The following ZCCHC14 variants were observed in gnomAD, a reference collection of about 807,000 sequenced individuals.
ZCCHC14 encodes zinc finger CCHC domain-containing protein 14.
Under a neutral mutation model 85.0 loss-of-function variants are expected in ZCCHC14, and 16 were observed. The observed-to-expected ratio is 0.19, with a 90% CI of 0.13 to 0.29. The LOEUF (loss-of-function observed/expected upper bound fraction) is 0.29, where lower values mean the gene tolerates loss of function less well. Ranked by LOEUF, ZCCHC14 falls within the 10% of genes least tolerant of loss-of-function variation. The pLI is 1.00. For missense variants in ZCCHC14, 1,303 were observed against 1,443.5 expected, an observed-to-expected ratio of 0.90 and a Z score of 1.58; for synonymous variants, 775 against 630.7, an observed-to-expected ratio of 1.23 and a Z score of -3.43.
chr16:87,415,230 G>A (rs372490039), intron 9 of ZCCHC14, 46 bp downstream of exon 9: 35 of 1,586,042 alleles, frequency 2.2e-5, no homozygotes, highest in South Asian at 1.1e-4. Context: ...TTCGGCACAC[G>A]AGAAATGGAA....
chr16:87,474,590 G>C (rs1330030450), intron 1 of ZCCHC14, among the ~76,000 whole-genome samples: 2 of 152,150 alleles, frequency 1.3e-5, no homozygotes, highest in African/African-American at 4.8e-5. Context: ...AGAAACTGGA[G>C]GGAGCCTGTG....
chr16:87,480,924 C>A (rs1912238438), intron 1 of ZCCHC14, among the ~76,000 whole-genome samples: 1 of 152,204 alleles, frequency 6.6e-6, no homozygotes, highest in African/African-American at 2.4e-5. Context: ...AGGAACTGCG[C>A]CTACAGAGAG....
rs560188305 is a variant in ZCCHC14 at position 87,417,745 on chromosome 16, G to A, written c.1101-3C>T. On this transcript the variant is annotated splice_polypyrimidine_tract_variant and splice_region_variant and intron_variant, in intron 7 of 12. Transcript: ENST00000671377. ...TACCAGCCACTCCACACACAGGCCT[G>A]TGGGACAGGGGCAGGAGGGACACAG... The A allele has an allele frequency of 1.3e-6, 2 of 1,582,644 alleles. No homozygotes were observed. Among genetic ancestry groups the A allele is most frequent in the South Asian group, 1.1e-5 (1 of 87,326 alleles).
intron 1 of ZCCHC14, among the ~76,000 whole-genome samples, chr16:87,475,058 A>T (rs1236302168): frequency 1.3e-5 from 2 of 152,200 alleles, no homozygotes; most frequent in African/African-American, 4.8e-5. Context: ...CAATTACTAG[A>T]CATGGAAAGA....
chr16:87,421,828 G>A (rs1485010622), intron 4 of ZCCHC14, among the ~76,000 whole-genome samples: 4 of 152,110 alleles, frequency 2.6e-5, no homozygotes, highest in African/African-American at 9.7e-5. Context: ...AAGGGCCCTG[G>A]CAGAAGAGGT....
intron 2 of ZCCHC14, among the ~76,000 whole-genome samples, chr16:87,439,724 C>A (rs931412372): frequency 2.0e-5 from 3 of 152,170 alleles, no homozygotes; most frequent in Non-Finnish European, 2.9e-5. Flanking sequence ...TAAAAAACCA[C>A]ATACATTTTA....
intron 9 of ZCCHC14, among the ~76,000 whole-genome samples, chr16:87,414,853 G>A (rs575449084): frequency 6.6e-6 from 1 of 152,360 alleles, no homozygotes; most frequent in African/African-American, 2.4e-5. Flanking sequence ...GGCCCAGGCG[G>A]GCAGATCGCC....
intron 3 of ZCCHC14, among the ~76,000 whole-genome samples, chr16:87,429,071 G>C (rs1050072902): frequency 2.6e-5 from 4 of 152,200 alleles, no homozygotes; most frequent in Admixed American, 6.5e-5. Flanking sequence ...TAAATACCTA[G>C]GCTGGAACTT....
chr16:87,461,407 T>A (rs1196292260), intron 1 of ZCCHC14, among the ~76,000 whole-genome samples: 1 of 152,220 alleles, frequency 6.6e-6, no homozygotes, highest in Non-Finnish European at 1.5e-5. Flanking sequence ...ACAGTCTCAA[T>A]GTATTTCAAA....
chr16:87,486,046 C>T (rs563760460), intron 1 of ZCCHC14, among the ~76,000 whole-genome samples: 31 of 152,262 alleles, frequency 2.0e-4, no homozygotes, highest in African/African-American at 6.0e-4. Context: ...AACAGCAAAA[C>T]TCAAATGTGT....
In ZCCHC14 at chr16:87,490,647, C is replaced by T. The variant is rs151124741; in HGVS notation, c.570+1022G>A. Among the ~76,000 whole-genome samples, 20 of 152,272 alleles carry T rather than the reference C, an allele frequency of 1.3e-4. No homozygotes were observed. The East Asian group carries it at 3.3e-3, about 25-fold the overall frequency. On this transcript the variant is annotated intron_variant, in intron 1 of 12. Transcript: ENST00000671377. ...CTAACATTCCTTAAGGCATCGGTGCCCTCCCACTCAAAGTCAGCCTGGGTT... is the reference window on the plus strand; with the variant it reads ...CTAACATTCCTTAAGGCATCGGTGCTCTCCCACTCAAAGTCAGCCTGGGTT...
At chr16:87,453,831 CA>C (rs1455521836) in intron 2 of ZCCHC14, among the ~76,000 whole-genome samples, 5 of 152,158 alleles carry the variant, frequency 3.3e-5, no homozygotes, top group Non-Finnish European at 5.9e-5. Flanking sequence ...GAATGGACAC[CA>C]GCCCTAAGTG....
intron 1 of ZCCHC14, among the ~76,000 whole-genome samples, chr16:87,485,671 C>G (rs535902493): frequency 6.6e-6 from 1 of 150,898 alleles, no homozygotes; most frequent in South Asian, 2.1e-4. Context: ...AATACTAAAG[C>G]AGAAATTTTT....
chr16:87,427,894 A>G (rs1322459132), intron 3 of ZCCHC14, among the ~76,000 whole-genome samples: 1 of 150,216 alleles, frequency 6.7e-6, no homozygotes, highest in African/African-American at 2.5e-5. Context: ...AGCCTCCCAC[A>G]GTGCTGGGAT....
At chr16:87,462,260 C>T (rs1034553735) in intron 1 of ZCCHC14, among the ~76,000 whole-genome samples, 4 of 152,056 alleles carry the variant, frequency 2.6e-5, no homozygotes, top group Admixed American at 6.5e-5. Context: ...GATTTCCTTC[C>T]GATTTAACAA....
chr16:87,433,071 G>GT, intron 3 of ZCCHC14, 57 bp downstream of exon 3: 3 of 1,542,414 alleles, frequency 1.9e-6, no homozygotes, highest in Non-Finnish European at 2.7e-6. Flanking sequence ...CATCTCCAGG[G>GT]TAAGTGTTTT....
chr16:87,481,100 G>A (rs948374817), intron 1 of ZCCHC14, among the ~76,000 whole-genome samples: 1 of 152,152 alleles, frequency 6.6e-6, no homozygotes, highest in Non-Finnish European at 1.5e-5. Flanking sequence ...GACACCAGAG[G>A]GGGTTATGGA....
intron 1 of ZCCHC14, chr16:87,467,523 C>A: frequency 6.2e-7 from 1 of 1,604,462 alleles, no homozygotes; most frequent in Non-Finnish European, 8.5e-7. Flanking sequence ...CCTTTCTCAA[C>A]AGTAGGATCA....
chr16:87,451,344 G>A (rs551428058), intron 2 of ZCCHC14, among the ~76,000 whole-genome samples: 14 of 151,884 alleles, frequency 9.2e-5, no homozygotes, highest in African/African-American at 2.7e-4. Context: ...TTACAGGCAC[G>A]TGGCTACCAC....
Sources: gnomAD v4.1 joint callset for allele counts (sites outside exome capture counted in the v4.1 genomes callset) on GRCh38, gnomAD v4.1.1 for gene constraint, MANE v1.5 for transcripts, NCBI Gene and HGNC (gene_info 2026-07-23, HGNC 2026-07-21) for gene names.